COL5A2: variants seen among roughly 807,000 people sequenced by gnomAD.
The protein encoded by COL5A2 is collagen type V alpha 2 chain, also known as collagen alpha-2(V) chain.
Under a neutral mutation model 208.2 loss-of-function variants are expected in COL5A2, and 23 were observed. That is an observed-to-expected ratio of 0.11 (90% CI 0.08 to 0.16). The LOEUF is 0.16. Ranked by LOEUF, COL5A2 falls within the 10% of genes least tolerant of loss-of-function variation. The pLI is 1.00. For synonymous variants in COL5A2, 625 were observed against 628.5 expected (o/e 0.99, Z 0.08); for missense variants, 1,590 against 1,956.4 (o/e 0.81, Z 3.53).
the COL5A2 span, among the ~76,000 whole-genome samples, chr2:189,277,424 G>T: frequency 5.9e-5 from 9 of 152,074 alleles, no homozygotes; most frequent in South Asian, 1.9e-3. Context: ...CAAAGGCTGG[G>T]TTAATTATTA....
chr2:189,361,139 T>G, the COL5A2 span, among the ~76,000 whole-genome samples: 1 of 152,126 alleles, frequency 6.6e-6, no homozygotes, highest in African/African-American at 2.4e-5. Context: ...AGAGCACAAT[T>G]TAACTCTGAT....
At chr2:189,432,676 T>C in the COL5A2 span, among the ~76,000 whole-genome samples, 1 of 152,152 alleles carries the variant, frequency 6.6e-6, no homozygotes, top group Non-Finnish European at 1.5e-5. Flanking sequence ...CCCAGATTCA[T>C]AAAGCAAGTC....
At chr2:189,157,525 T>C (rs1187445996) in intron 1 of COL5A2, among the ~76,000 whole-genome samples, 2 of 151,928 alleles carry the variant, frequency 1.3e-5, no homozygotes, top group Non-Finnish European at 2.9e-5. Context: ...CTAGAGAAGG[T>C]GATATTTCAC....
chr2:189,376,191 G>A, the COL5A2 span, among the ~76,000 whole-genome samples: 1 of 152,020 alleles, frequency 6.6e-6, no homozygotes, highest in African/African-American at 2.4e-5. Context: ...TGTTAATACT[G>A]GTATTTGAAC....
chr2:189,257,200 T>C, the COL5A2 span, among the ~76,000 whole-genome samples: 1 of 152,206 alleles, frequency 6.6e-6, no homozygotes, highest in Admixed American at 6.5e-5. Context: ...TGAGAGCCAA[T>C]TTACCCCACA....
At chr2:189,320,775 A>C in the COL5A2 span, among the ~76,000 whole-genome samples, 1 of 152,232 alleles carries the variant, frequency 6.6e-6, no homozygotes, top group African/African-American at 2.4e-5. Flanking sequence ...TCCCCAACCT[A>C]GCAAGGAAGG....
chr2:189,068,380 T>A (rs1164551315), intron 19 of COL5A2, 110 bp from the exon 20 acceptor site: 4 of 973,820 alleles, frequency 4.1e-6, no homozygotes, highest in South Asian at 2.6e-5. Context: ...AAGCATTTTT[T>A]AAAAATCAAC....
intron 1 of COL5A2, among the ~76,000 whole-genome samples, chr2:189,121,430 T>C (rs1356917665): frequency 6.6e-6 from 1 of 152,074 alleles, no homozygotes; most frequent in Non-Finnish European, 1.5e-5. Flanking sequence ...CATCTCTTCC[T>C]TTGACTGAGG....
chr2:189,161,833 A>G (rs1334614277), intron 1 of COL5A2, among the ~76,000 whole-genome samples: 1 of 152,232 alleles, frequency 6.6e-6, no homozygotes, highest in Non-Finnish European at 1.5e-5. Flanking sequence ...AATAAATAAA[A>G]GGATTTATTG....
At chr2:189,422,708 T>A in the COL5A2 span, among the ~76,000 whole-genome samples, 1 of 151,920 alleles carries the variant, frequency 6.6e-6, no homozygotes, top group East Asian at 1.9e-4. Flanking sequence ...AAATTAGAAG[T>A]CAATAACAGG....
intron 1 of COL5A2, among the ~76,000 whole-genome samples, chr2:189,117,238 G>A (rs1280583703): frequency 6.6e-6 from 1 of 152,138 alleles, no homozygotes; most frequent in Non-Finnish European, 1.5e-5. Context: ...GCAGATTTCA[G>A]TCTGCTAATG....
chr2:189,365,352 C>T, the COL5A2 span, among the ~76,000 whole-genome samples: 1 of 152,182 alleles, frequency 6.6e-6, no homozygotes, highest in Non-Finnish European at 1.5e-5. Context: ...CAAGGTAAGT[C>T]CATCTTGAAT....
chr2:189,435,278 T>C, the COL5A2 span, among the ~76,000 whole-genome samples: 1 of 152,218 alleles, frequency 6.6e-6, no homozygotes, highest in Non-Finnish European at 1.5e-5. Flanking sequence ...AAGGACTTCA[T>C]GATTAAAACA....
the COL5A2 span, chr2:189,311,745 C>T: frequency 1.3e-6 from 1 of 775,922 alleles, no homozygotes; most frequent in Non-Finnish European, 2.3e-6. Context: ...GAGACCAGTA[C>T]TTGTCAAGCT....
chr2:189,042,901 G>T, intron 48 of COL5A2, 128 bp from the exon 49 acceptor site: 1 of 915,750 alleles, frequency 1.1e-6, no homozygotes, highest in Non-Finnish European at 1.7e-6. Context: ...TCTCTGCAAT[G>T]TCTACATGAG....
chr2:189,087,223 T>C (rs894971167), intron 8 of COL5A2, among the ~76,000 whole-genome samples: 3 of 152,212 alleles, frequency 2.0e-5, no homozygotes, highest in Non-Finnish European at 4.4e-5. Context: ...GACTAGATTA[T>C]ATTAAATGTG....
At chr2:189,162,904 G>C (rs934232798) in intron 1 of COL5A2, among the ~76,000 whole-genome samples, 4 of 151,974 alleles carry the variant, frequency 2.6e-5, no homozygotes, top group African/African-American at 7.3e-5. Flanking sequence ...AGATAAAGGA[G>C]GGCAAGCAGC....
At chr2:189,324,225 T>C in the COL5A2 span, among the ~76,000 whole-genome samples, 2 of 152,158 alleles carry the variant, frequency 1.3e-5, no homozygotes, top group South Asian at 4.1e-4. Context: ...GAAGAAAATC[T>C]AGGCAATACC....
chr2:189,370,694 A>T, the COL5A2 span, among the ~76,000 whole-genome samples: 1 of 152,152 alleles, frequency 6.6e-6, no homozygotes, highest in South Asian at 2.1e-4. Context: ...TTCTATAAAC[A>T]CATATACTCA....
Sources: gnomAD v4.1 joint callset for allele counts (sites outside exome capture counted in the v4.1 genomes callset) on GRCh38, gnomAD v4.1.1 for gene constraint, MANE v1.5 for transcripts, NCBI Gene and HGNC (gene_info 2026-07-23, HGNC 2026-07-21) for gene names.